MOB1B: variants seen among roughly 807,000 people sequenced by gnomAD.
MOB1B encodes MOB kinase activator 1B.
In MOB1B, 19 loss-of-function variants were observed where a neutral mutation model predicts 24.4. That is an observed-to-expected ratio of 0.78 (90% CI 0.54 to 1.14). MOB1B has a LOEUF of 1.14. Ranked by LOEUF, MOB1B falls within the 50% of genes most tolerant of loss-of-function variation. The probability of loss-of-function intolerance (pLI) is 0.00; values close to 1 mark genes in which losing one functional copy is unlikely to be tolerated. For missense variants in MOB1B, 243 were observed against 259.6 expected (o/e 0.94, Z 0.44); for synonymous variants, 76 against 82.1 (o/e 0.93, Z 0.40).
chr4:70,938,481 C>T (rs1737183030), intron 1 of MOB1B, among the ~76,000 whole-genome samples: 1 of 151,992 alleles, frequency 6.6e-6, no homozygotes, highest in Non-Finnish European at 1.5e-5. Context: ...GTAAACTTGC[C>T]TGCAACTATA....
chr4:70,965,593 C>T (rs1341669692), intron 2 of MOB1B, among the ~76,000 whole-genome samples: 2 of 150,354 alleles, frequency 1.3e-5, no homozygotes, highest in African/African-American at 2.4e-5. Flanking sequence ...GTCAGGAGAT[C>T]GAGAGCATCC....
chr4:70,954,317 T>C (rs775185696), intron 1 of MOB1B, among the ~76,000 whole-genome samples: 7 of 152,112 alleles, frequency 4.6e-5, no homozygotes, highest in Non-Finnish European at 8.8e-5. Flanking sequence ...TGTTCATGTT[T>C]TGCTATTTTT....
At chr4:70,909,065 A>T (rs909788748) in intron 1 of MOB1B, among the ~76,000 whole-genome samples, 1 of 151,828 alleles carries the variant, frequency 6.6e-6, no homozygotes, top group South Asian at 2.1e-4. Flanking sequence ...AAAAAAAAAA[A>T]AATTAGCAAT....
chr4:70,934,559 T>G (rs1435410339), intron 1 of MOB1B, among the ~76,000 whole-genome samples: 1 of 152,034 alleles, frequency 6.6e-6, no homozygotes, highest in Non-Finnish European at 1.5e-5. Context: ...ATTCAAGTGA[T>G]TCTTCTGCCT....
chr4:70,957,984 A>T (rs1050305826), intron 1 of MOB1B, among the ~76,000 whole-genome samples: 1 of 151,900 alleles, frequency 6.6e-6, no homozygotes, highest in Admixed American at 6.6e-5. Context: ...GTATATATAC[A>T]CATACACATA....
At chr4:70,965,796 CAAAAAA>C (rs71211986) in intron 2 of MOB1B, among the ~76,000 whole-genome samples, 8 of 28,704 alleles carry the variant, frequency 2.8e-4, no homozygotes, top group African/African-American at 4.2e-4. Context: ...GACTCCGTCT[CAAAAAA>C]AAAAAAAAAA....
chr4:70,910,451 A>G (rs1162369620), intron 1 of MOB1B, among the ~76,000 whole-genome samples: 2 of 151,710 alleles, frequency 1.3e-5, no homozygotes, highest in Non-Finnish European at 2.9e-5. Context: ...GTATGTATAT[A>G]TGTGTGTATG....
intron 1 of MOB1B, among the ~76,000 whole-genome samples, chr4:70,913,986 A>G (rs187458839): frequency 6.6e-6 from 1 of 151,898 alleles, no homozygotes; most frequent in African/African-American, 2.4e-5. Context: ...TCATATGTTG[A>G]AAGTGATCAC....
Position 70,916,080 on chromosome 4 carries a change from C to T in MOB1B, c.14+13530C>T, listed in dbSNP as rs1736182709. On this transcript the variant is annotated intron_variant, in intron 1 of 5. Transcript: ENST00000309395. ...TGTTTCCTTAAAGCCTTAGCATGAA[C>T]GACTCCATTTTAGTTTGGTTTGGTC... Among the ~76,000 whole-genome samples, 3 of 152,174 alleles carry T rather than the reference C, an allele frequency of 2.0e-5. No individual in the cohort carries two copies. The East Asian group carries it at 5.8e-4, about 29-fold the overall frequency.
chr4:70,957,768 T>C (rs1027726623), intron 1 of MOB1B, among the ~76,000 whole-genome samples: 3 of 151,302 alleles, frequency 2.0e-5, no homozygotes, highest in Middle Eastern at 3.4e-3. Flanking sequence ...TTTTTTTTTT[T>C]TTTCAAGAGA....
intron 1 of MOB1B, among the ~76,000 whole-genome samples, chr4:70,958,305 C>T (rs1473643283): frequency 1.3e-5 from 2 of 151,832 alleles, no homozygotes; most frequent in African/African-American, 2.4e-5. Context: ...GCTGGGATTA[C>T]AAGGACCCGC....
chr4:70,984,458 G>T lies in MOB1B; in HGVS notation c.*2401G>T, dbSNP rs1231582658. On this transcript the variant is annotated 3_prime_UTR_variant, in exon 6 of 6. Transcript: ENST00000309395. ...ATAAGGATCAGTGCTTTGTTCTGCAGCAGAGTTTGCTGATAAATGTCTGTT... is the reference window on the plus strand; with the variant it reads ...ATAAGGATCAGTGCTTTGTTCTGCATCAGAGTTTGCTGATAAATGTCTGTT... 6.6e-6 allele frequency: 1 copy of T among 152,170 alleles called. No homozygotes were observed. Among genetic ancestry groups the T allele is most frequent in the Non-Finnish European group, 1.5e-5 (1 of 68,006 alleles). The allele number at this position is 152,170 out of a possible 1,614,324, so 9.4% of individuals were successfully genotyped here.
At chr4:70,943,339 T>A (rs1166779164) in intron 1 of MOB1B, among the ~76,000 whole-genome samples, 1 of 152,218 alleles carries the variant, frequency 6.6e-6, no homozygotes, top group Non-Finnish European at 1.5e-5. Flanking sequence ...ACAGCTGTTA[T>A]AACTGTGATG....
intron 3 of MOB1B, among the ~76,000 whole-genome samples, chr4:70,971,449 T>C (rs972119198): frequency 6.7e-6 from 1 of 148,478 alleles, no homozygotes; most frequent in Non-Finnish European, 1.5e-5. Context: ...TGCAGTGAGC[T>C]GAGATCGTGC....
intron 4 of MOB1B, chr4:70,976,230 TG>T (rs1738988290): frequency 1.0e-6 from 1 of 984,676 alleles, no homozygotes; most frequent in Admixed American, 6.2e-5. Flanking sequence ...TAACAAAATC[TG>T]GCCCAAAAAA....
chr4:70,968,010 T>C (rs1431741881), intron 2 of MOB1B, among the ~76,000 whole-genome samples: 1 of 151,998 alleles, frequency 6.6e-6, no homozygotes, highest in Admixed American at 6.6e-5. Context: ...AGCTAATTTA[T>C]TTATTATTTA....
chr4:70,986,335 C>G lies in MOB1B; in HGVS notation c.*4278C>G, dbSNP rs1033709050. ...TAATAAAAGACTGGAGATTTTTGTA[C>G]AAAGAAATAGGAATAAGTTTCATAT... is the stretch of plus-strand genomic sequence containing the variant. On this transcript the variant is annotated 3_prime_UTR_variant, in exon 6 of 6. Transcript: ENST00000309395. 4 of 151,770 alleles carry G rather than the reference C, an allele frequency of 2.6e-5. No homozygotes were observed. The highest frequency in any genetic ancestry group is 2.6e-4 in the Admixed American group (4 of 15,242). 9.4% of individuals were successfully genotyped at this position (151,770 alleles called of 1,614,324 possible). A position where few individuals can be genotyped will look rare whatever the true frequency, so the allele number is the denominator to read the frequency against.
At chr4:70,920,941 A>G (rs948284191) in intron 1 of MOB1B, among the ~76,000 whole-genome samples, 3 of 152,222 alleles carry the variant, frequency 2.0e-5, no homozygotes, top group Non-Finnish European at 2.9e-5. Flanking sequence ...GGAATTCCAG[A>G]TAAATGGAAC....
At chr4:70,975,473 G>A in intron 4 of MOB1B, 187 bp downstream of exon 4, 1 of 1,315,618 alleles carries the variant, frequency 7.6e-7, no homozygotes, top group Non-Finnish European at 9.7e-7. Flanking sequence ...ATAAGCAAGT[G>A]ATCCTGTGTG....
Sources: allele counts gnomAD v4.1 joint callset (sites outside exome capture counted in the v4.1 genomes callset), GRCh38; gene constraint gnomAD v4.1.1; transcripts MANE v1.5; gene names NCBI Gene and HGNC (gene_info 2026-07-23, HGNC 2026-07-21).